Variants in FBXW7 observed in about 807,000 individuals in gnomAD.
FBXW7 encodes the protein F-box/WD repeat-containing protein 7.
FBXW7 carries 11 observed loss-of-function variants against 86.3 expected under a neutral mutation model. That is an observed-to-expected ratio of 0.13 (90% CI 0.08 to 0.21). The LOEUF is 0.21. Among genes scored for constraint, FBXW7 ranks in the 10% least tolerant of loss-of-function variants. The pLI is 1.00. For synonymous variants in FBXW7, 313 were observed against 297.9 expected, an observed-to-expected ratio of 1.05 and a Z score of -0.52; for missense variants, 488 against 847.4, an observed-to-expected ratio of 0.58 and a Z score of 5.27.
chr4:152,519,360 A>T (rs1350169093), intron 2 of FBXW7, among the ~76,000 whole-genome samples: 1 of 152,192 alleles, frequency 6.6e-6, no homozygotes. Flanking sequence ...CACTGACTTA[A>T]GCAATTTATA....
At chr4:152,512,611 C>T (rs1748078961) in intron 2 of FBXW7, among the ~76,000 whole-genome samples, 1 of 152,070 alleles carries the variant, frequency 6.6e-6, no homozygotes. Flanking sequence ...CTGAAAACAT[C>T]GTGTTACGTG....
At chr4:152,518,964 A>G (rs1309530730) in intron 2 of FBXW7, among the ~76,000 whole-genome samples, 3 of 152,164 alleles carry the variant, frequency 2.0e-5, no homozygotes, top group Non-Finnish European at 4.4e-5. Context: ...TTTTTTTTAA[A>G]TTACAAACAC....
At chr4:152,352,332 T>C (rs890580389) in intron 4 of FBXW7, 7 of 922,140 alleles carry the variant, frequency 7.6e-6, no homozygotes, top group Admixed American at 4.9e-5. Flanking sequence ...ACATTCATGA[T>C]ATAAAACAGA....
intron 2 of FBXW7, among the ~76,000 whole-genome samples, chr4:152,495,794 G>T (rs1337830530): frequency 6.6e-6 from 1 of 152,052 alleles, no homozygotes; most frequent in East Asian, 1.9e-4. Flanking sequence ...AAAATATAAA[G>T]ACATAGGCTT....
At chr4:152,410,260 T>C (rs1172191451) in intron 4 of FBXW7, among the ~76,000 whole-genome samples, 6 of 152,122 alleles carry the variant, frequency 3.9e-5, no homozygotes, top group South Asian at 2.1e-4. Context: ...CCTTTTGATA[T>C]AGCAACCTTG....
In FBXW7 at chr4:152,434,966, C is replaced by A. The variant is rs549918043; in HGVS notation, c.-119-22437G>T. 4.1e-3 allele frequency among the ~76,000 whole-genome samples: 620 copies of A among 151,074 alleles called. 1 individual carries two copies. The highest frequency in any genetic ancestry group is 7.4e-3 in the Admixed American group (112 of 15,176). ...ACCTCCTTTCCCCCCGCTCCCCCCC[C>A]CCCACACACAAGCTCTTCCTTTACA... On this transcript the variant is annotated intron_variant, in intron 2 of 13. Transcript: ENST00000281708.
At position 152,535,751 on chromosome 4, in the gene FBXW7, GAGCAGCTACCC is replaced by G; in HGVS notation, c.-848_-838del. On this transcript the variant is annotated 5_prime_UTR_variant, in exon 1 of 14. Transcript: ENST00000281708. ...GCCTCCTCAGCGTTCTCTCACCGCG[GAGCAGCTACCC>G]ACTCCCGGCCCGTGGTAGCCGCCTC... 2.5e-6 allele frequency: 1 copy of G among 394,656 alleles called. No homozygotes were observed. Among genetic ancestry groups the G allele is most frequent in the East Asian group, 3.6e-5 (1 of 27,788 alleles). The allele number at this position is 394,656 out of a possible 1,614,324, so 24.4% of individuals were successfully genotyped here.
Position 152,429,190 on chromosome 4 carries a change from C to T in FBXW7, c.-119-16661G>A, listed in dbSNP as rs184033974. The stretch of plus-strand genomic sequence containing the variant: ...GGGCAACAAGAGCGAAACTCCATCT[C>T]AAAAAAAAGAGAACACTTTAGAAAG... On this transcript the variant is annotated intron_variant, in intron 2 of 13. Transcript: ENST00000281708. Among the ~76,000 whole-genome samples, 4 of 151,554 alleles carry T rather than the reference C, an allele frequency of 2.6e-5. No homozygotes were observed. In the East Asian group the frequency reaches 7.7e-4, roughly 29 times the overall value.
intron 2 of FBXW7, among the ~76,000 whole-genome samples, chr4:152,504,812 TAAC>T (rs1184844662): frequency 8.5e-5 from 13 of 152,170 alleles, no homozygotes. Flanking sequence ...GAATCTAAAA[TAAC>T]AATTTTTTTT....
chr4:152,535,786 T>TCCCTGCCCCCCAAGCCGCCGCCG lies in FBXW7; in HGVS notation c.-873_-872insCGGCGGCGGCTTGGGGGGCAGGG. ...CCACTCCCGGCCCGTGGTAGCCGCCTCCCTGCCCCCCAAGCCGCCGGCTCC... is the reference window on the plus strand; with the variant it reads ...CCACTCCCGGCCCGTGGTAGCCGCCTCCCTGCCCCCCAAGCCGCCGCCGCCCTGCCCCCCAAGCCGCCGGCTCC... On this transcript the variant is annotated 5_prime_UTR_variant, in exon 1 of 14. Coordinates refer to ENST00000281708, the MANE Select transcript of FBXW7 (RefSeq NM_001349798.2). 2.6e-6 allele frequency: 1 copy of TCCCTGCCCCCCAAGCCGCCGCCG among 390,702 alleles called. No individual in the cohort carries two copies. 24.2% of individuals were successfully genotyped at this position (390,702 alleles called of 1,614,324 possible).
At position 152,321,453 on chromosome 4, in the gene FBXW7, A is replaced by G. The variant is rs76079654; in HGVS notation, c.*1428T>C. Reference sequence around the variant, plus strand: ...ATAAAACAAACAAAAAAATAAACAGAAGGAGGAAAAAAGATCGCCTAGGAT... The same window carrying G: ...ATAAAACAAACAAAAAAATAAACAGGAGGAGGAAAAAAGATCGCCTAGGAT... On this transcript the variant is annotated 3_prime_UTR_variant, in exon 14 of 14. Coordinates refer to ENST00000281708, the MANE Select transcript of FBXW7 (RefSeq NM_001349798.2). 2,799 of 232,968 alleles carry G rather than the reference A, an allele frequency of 0.012. 21 individuals are homozygous for G. The highest frequency in any genetic ancestry group is 0.016 in the Non-Finnish European group (1,885 of 117,622). The allele number at this position is 232,968 out of a possible 1,614,324, so 14.4% of individuals were successfully genotyped here.
intron 2 of FBXW7, chr4:152,530,622 T>C (rs760405348): frequency 6.6e-6 from 1 of 152,240 alleles, no homozygotes; most frequent in Non-Finnish European, 1.5e-5. Context: ...CAGTAGAGTA[T>C]GTGCTTTATG....
rs541080478 is a variant in FBXW7, at chr4:152,400,841, T to C, written c.501+10462A>G. Among the ~76,000 whole-genome samples the C allele has an allele frequency of 2.6e-5, 4 of 152,264 alleles. No individual in the cohort carries two copies. The South Asian group carries it at 6.2e-4, about 24-fold the overall frequency. On this transcript the variant is annotated intron_variant, in intron 4 of 13. Coordinates refer to ENST00000281708, the MANE Select transcript of FBXW7 (RefSeq NM_001349798.2). ...TGGGATAAACGATTGTTATCCAAAATATACAACAGTAACAGAACAACCTGA... is the reference window on the plus strand; with the variant it reads ...TGGGATAAACGATTGTTATCCAAAACATACAACAGTAACAGAACAACCTGA...
Position 152,352,666 on chromosome 4 carries a change from G to A in FBXW7, c.502-2542C>T, listed in dbSNP as rs769428645. 13 of 1,613,634 alleles carry A rather than the reference G, an allele frequency of 8.1e-6. No individual in the cohort carries two copies. In the East Asian group the frequency reaches 1.1e-4, roughly 14 times the overall value. ...AAAAGGAAGATTAGGGAGCAGAACC[G>A]GCAACAAAACTCCACAGTAAAGGCA... On this transcript the variant is annotated intron_variant, in intron 4 of 13. Coordinates refer to ENST00000281708, the MANE Select transcript of FBXW7 (RefSeq NM_001349798.2).
chr4:152,509,090 ACTGG>A (rs1747720358), intron 2 of FBXW7, among the ~76,000 whole-genome samples: 3 of 152,226 alleles, frequency 2.0e-5, no homozygotes, highest in African/African-American at 7.2e-5. Context: ...GCAAAGAAAG[ACTGG>A]AATTGTTTCA....
chr4:152,405,272 G>GT (rs1737314327), intron 4 of FBXW7, among the ~76,000 whole-genome samples: 1 of 152,046 alleles, frequency 6.6e-6, no homozygotes, highest in African/African-American at 2.4e-5. Context: ...ATGTCACCAG[G>GT]TAATACCAAA....
intron 4 of FBXW7, among the ~76,000 whole-genome samples, chr4:152,406,387 A>T (rs1280966737): frequency 1.3e-5 from 2 of 152,166 alleles, no homozygotes; most frequent in Non-Finnish European, 2.9e-5. Context: ...GTTCAAGGAC[A>T]GCCTGGGAAA....
chr4:152,465,447 G>A lies in FBXW7; in HGVS notation c.-119-52918C>T, dbSNP rs554211062. On this transcript the variant is annotated intron_variant, in intron 2 of 13. Transcript: ENST00000281708. ...TCTTTTCCTTACTGTCATCACAATT[G>A]AAAATTTAACAACATCATTAATAAG... is the stretch of plus-strand genomic sequence containing the variant. 7.8e-4 allele frequency among the ~76,000 whole-genome samples: 119 copies of A among 152,198 alleles called. 1 individual carries two copies. Among genetic ancestry groups the A allele is most frequent in the Middle Eastern group, 3.4e-3 (1 of 294 alleles).
chr4:152,452,675 T>C (rs909327872), intron 2 of FBXW7, among the ~76,000 whole-genome samples: 25 of 152,238 alleles, frequency 1.6e-4, no homozygotes, highest in African/African-American at 5.1e-4. Context: ...TGTGACATTA[T>C]ATATGTTTAA....
Sources: gnomAD v4.1 joint callset for allele counts (sites outside exome capture counted in the v4.1 genomes callset) on GRCh38, gnomAD v4.1.1 for gene constraint, MANE v1.5 for transcripts, NCBI Gene and HGNC (gene_info 2026-07-23, HGNC 2026-07-21) for gene names.